PCSK1: variants seen among roughly 807,000 people sequenced by gnomAD.
PCSK1 encodes the protein neuroendocrine convertase 1.
Under a neutral mutation model 90.6 loss-of-function variants are expected in PCSK1, and 56 were observed. The observed-to-expected ratio is 0.62, with a 90% confidence interval of 0.50 to 0.77. The LOEUF is 0.77. Among genes scored for constraint, PCSK1 ranks in the 30% least tolerant of loss-of-function variants. The pLI, the probability that PCSK1 is intolerant of heterozygous loss-of-function variation, is 0.00. For synonymous variants in PCSK1, 348 were observed against 342.4 expected (o/e 1.02, Z -0.18); for missense variants, 801 against 932.6 (o/e 0.86, Z 1.84).
rs35753085 is a variant in PCSK1, at chr5:96,433,138, G to A, written c.-96C>T. The A allele has an allele frequency of 6.1e-3, 7,044 of 1,157,718 alleles. 35 individuals are homozygous for A. The highest frequency in any genetic ancestry group is 0.01 in the Middle Eastern group (38 of 3,672). The allele number at this position is 1,157,718 out of a possible 1,614,324, so 71.7% of individuals were successfully genotyped here. A position where few individuals can be genotyped will look rare whatever the true frequency, so the allele number is the denominator to read the frequency against. ...ACAGACTCCCCCTTCCCACCCTCGGGCTCTAGACCACTCCTGGCTCCTGGT... is the reference window on the plus strand; with the variant it reads ...ACAGACTCCCCCTTCCCACCCTCGGACTCTAGACCACTCCTGGCTCCTGGT... On this transcript the variant is annotated 5_prime_UTR_variant, in exon 1 of 14. Coordinates refer to ENST00000311106, the MANE Select transcript of PCSK1 (RefSeq NM_000439.5).
At chr5:96,396,588 C>T (rs532217393) in intron 12 of PCSK1, among the ~76,000 whole-genome samples, 7 of 151,006 alleles carry the variant, frequency 4.6e-5, no homozygotes, top group South Asian at 4.2e-4. Flanking sequence ...GTTATTTAGG[C>T]GTATAATTCT....
At chr5:96,402,790 G>A (rs957568345) in intron 9 of PCSK1, among the ~76,000 whole-genome samples, 3 of 152,074 alleles carry the variant, frequency 2.0e-5, no homozygotes, top group Admixed American at 1.3e-4. Flanking sequence ...CTGAGCTCCC[G>A]ACAAACATAC....
chr5:96,415,418 A>G (rs1760909821), intron 6 of PCSK1, among the ~76,000 whole-genome samples: 1 of 152,300 alleles, frequency 6.6e-6, no homozygotes, highest in Non-Finnish European at 1.5e-5. Context: ...GCTAAAGGTG[A>G]TAACATCTGC....
chr5:96,395,486 T>C (rs1401392737), intron 12 of PCSK1, among the ~76,000 whole-genome samples: 1 of 152,220 alleles, frequency 6.6e-6, no homozygotes, highest in Non-Finnish European at 1.5e-5. Context: ...GTTCATGTCC[T>C]CTGCAGGGAC....
Position 96,390,495 on chromosome 5 carries a change from G to A in PCSK1, c.*2506C>T, listed in dbSNP as rs1759904254. 2 of 152,398 alleles carry A rather than the reference G, an allele frequency of 1.3e-5. No individual in the cohort carries two copies. The highest frequency in any genetic ancestry group is 1.9e-4 in the East Asian group (1 of 5,194). The allele number at this position is 152,398 out of a possible 1,614,324, so 9.4% of individuals were successfully genotyped here. ...CCACACATGTTAAACTCAGCTACATGTTGTATTAGGCTATTAGACAAATGT... is the reference window on the plus strand; with the variant it reads ...CCACACATGTTAAACTCAGCTACATATTGTATTAGGCTATTAGACAAATGT... On this transcript the variant is annotated 3_prime_UTR_variant, in exon 14 of 14. Transcript: ENST00000311106.
intron 9 of PCSK1, among the ~76,000 whole-genome samples, chr5:96,404,226 T>C (rs189097933): frequency 1.3e-5 from 2 of 152,358 alleles, no homozygotes; most frequent in East Asian, 1.9e-4. Flanking sequence ...AGTAACTCTT[T>C]ATAGCATTTG....
intron 4 of PCSK1, 36 bp from the exon 5 acceptor site, chr5:96,421,992 TTAAAAAA>T (rs1561374581): frequency 7.2e-5 from 28 of 388,346 alleles, no homozygotes; most frequent in Non-Finnish European, 1.1e-4. Flanking sequence ...TGTGGCAGCA[TTAAAAAA>T]AAAAAAAAAA....
In PCSK1 at chr5:96,416,013, G is replaced by C; in HGVS notation, c.709+20C>G. Reference sequence around the variant, plus strand: ...CTTCACATTAAAATGCCAAGCTATAGGGACAATCCTCTGTTTTACCTCCAA... The same window carrying C: ...CTTCACATTAAAATGCCAAGCTATACGGACAATCCTCTGTTTTACCTCCAA... On this transcript the variant is annotated intron_variant, in intron 6 of 13. Coordinates refer to ENST00000311106, the MANE Select transcript of PCSK1 (RefSeq NM_000439.5). The C allele has an allele frequency of 6.7e-7, 1 of 1,490,492 alleles. No homozygotes were observed. The highest frequency in any genetic ancestry group is 1.4e-5 in the African/African-American group (1 of 72,720). 92.3% of individuals were successfully genotyped at this position (1,490,492 alleles called of 1,614,324 possible). A position where few individuals can be genotyped will look rare whatever the true frequency, so the allele number is the denominator to read the frequency against.
chr5:96,400,200 G>A lies in PCSK1; in HGVS notation c.1197-14C>T. Reference sequence around the variant, plus strand: ...GTGAGATTTGGGCTGGAGGGGAAGTGACCCAAAGTGTCTTTCAGAGAAAAA... The same window carrying A: ...GTGAGATTTGGGCTGGAGGGGAAGTAACCCAAAGTGTCTTTCAGAGAAAAA... On this transcript the variant is annotated splice_polypyrimidine_tract_variant and intron_variant, in intron 9 of 13. Coordinates refer to ENST00000311106, the MANE Select transcript of PCSK1 (RefSeq NM_000439.5). The A allele has an allele frequency of 6.4e-7, 1 of 1,568,100 alleles. No homozygotes were observed. Among genetic ancestry groups the A allele is most frequent in the Non-Finnish European group, 8.8e-7 (1 of 1,137,996 alleles).
At chr5:96,406,792 T>C (rs1232100619) in intron 9 of PCSK1, among the ~76,000 whole-genome samples, 1 of 152,246 alleles carries the variant, frequency 6.6e-6, no homozygotes, top group Non-Finnish European at 1.5e-5. Flanking sequence ...AATCTCCTTA[T>C]TAGGAAGGAT....
chr5:96,404,593 A>G (rs989853840), intron 9 of PCSK1, among the ~76,000 whole-genome samples: 5 of 152,202 alleles, frequency 3.3e-5, no homozygotes, highest in Admixed American at 1.3e-4. Flanking sequence ...TAAGAAACTC[A>G]TAAATGCATG....
chr5:96,415,059 C>A (rs1014980184), intron 6 of PCSK1, among the ~76,000 whole-genome samples: 2 of 152,010 alleles, frequency 1.3e-5, no homozygotes, highest in Non-Finnish European at 2.9e-5. Flanking sequence ...TTTTTGAAAA[C>A]CAAACTAAAC....
chr5:96,393,174 A>G lies in PCSK1; in HGVS notation c.2089T>C (p.Tyr697His). 5 of 1,614,126 alleles carry G rather than the reference A, an allele frequency of 3.1e-6. No individual in the cohort carries two copies. The East Asian group carries it at 1.1e-4, about 36-fold the overall frequency. ...KSPSAKLNIP[Y>H]ENFYEALEKL... ...TCCAGGGCTTCGTAGAAGTTTTCAT[A>G]AGGGATGTTGAGCTTTGCACTTGGG... Residue 697 changes from tyrosine (Y) to histidine (H), a missense_variant, in exon 14 of 14, where the codon TAT becomes CAT. Physicochemically the swap from Tyr to His is moderately conservative, Grantham distance 83 (BLOSUM62 2). Coordinates refer to ENST00000311106, the MANE Select transcript of PCSK1 (RefSeq NM_000439.5).
chr5:96,410,072 G>C (rs563431245), intron 8 of PCSK1, among the ~76,000 whole-genome samples: 1 of 152,078 alleles, frequency 6.6e-6, no homozygotes, highest in Admixed American at 6.5e-5. Context: ...TAAATTGGGG[G>C]CCTTACATTT....
chr5:96,408,578 A>T (rs1760650165), intron 8 of PCSK1, among the ~76,000 whole-genome samples: 1 of 152,194 alleles, frequency 6.6e-6, no homozygotes, highest in African/African-American at 2.4e-5. Context: ...CCCACTACGA[A>T]TATTTTCTTT....
chr5:96,404,761 C>A (rs897795966), intron 9 of PCSK1, among the ~76,000 whole-genome samples: 3 of 152,152 alleles, frequency 2.0e-5, no homozygotes, highest in Non-Finnish European at 4.4e-5. Flanking sequence ...GTTTGAATTT[C>A]TTTGTGGGAT....
At chr5:96,415,846 T>C (rs1760922705) in intron 6 of PCSK1, among the ~76,000 whole-genome samples, 187 bp downstream of exon 6, 1 of 152,168 alleles carries the variant, frequency 6.6e-6, no homozygotes, top group Non-Finnish European at 1.5e-5. Flanking sequence ...TATTCAACTA[T>C]CCATTTTCTA....
chr5:96,396,498 T>C (rs1451500271), intron 12 of PCSK1, among the ~76,000 whole-genome samples: 1 of 149,716 alleles, frequency 6.7e-6, no homozygotes, highest in Non-Finnish European at 1.5e-5. Context: ...GAGGCAGAGG[T>C]TGCAGTGAGC....
chr5:96,394,823 C>G, intron 13 of PCSK1, 41 bp downstream of exon 13: 1 of 1,595,112 alleles, frequency 6.3e-7, no homozygotes. Context: ...TTGTCTACCC[C>G]AGTTCAAAAG....
Sources: allele counts gnomAD v4.1 joint callset (sites outside exome capture counted in the v4.1 genomes callset), GRCh38; gene constraint gnomAD v4.1.1; transcripts MANE v1.5; gene names NCBI Gene and HGNC (gene_info 2026-07-23, HGNC 2026-07-21).